The following PCDH15 variants were observed in gnomAD, a reference collection of about 807,000 sequenced individuals.
The protein encoded by PCDH15 is protocadherin-15.
In PCDH15, 129 loss-of-function variants were observed where a neutral mutation model predicts 178.5. That is an observed-to-expected ratio of 0.72 (90% CI 0.63 to 0.84). PCDH15 has a LOEUF of 0.84. PCDH15 is among the 40% of genes least tolerant of loss of function. PCDH15 has a pLI of 0.00. For synonymous variants in PCDH15, 800 were observed against 732.0 expected, an observed-to-expected ratio of 1.09 and a Z score of -1.50; for missense variants, 2,230 against 2,099.9, an observed-to-expected ratio of 1.06 and a Z score of -1.21.
In PCDH15 at chr10:54,492,767, T is replaced by C. The variant is rs532154220; in HGVS notation, c.157+35045A>G. Among the ~76,000 whole-genome samples, 17 of 152,272 alleles carry C rather than the reference T, an allele frequency of 1.1e-4. No homozygotes were observed. In the South Asian group the frequency reaches 3.5e-3, roughly 32 times the overall value. ...TTGTTATAACTGTTCAATCTTATTATTAGGGTTGTTAATCTCTTACTGCCT... is the reference window on the plus strand; with the variant it reads ...TTGTTATAACTGTTCAATCTTATTACTAGGGTTGTTAATCTCTTACTGCCT... On this transcript the variant is annotated intron_variant, in intron 3 of 37. Transcript: ENST00000644397.
chr10:55,135,728 A>G (rs2132082508), intron 2 of PCDH15, among the ~76,000 whole-genome samples: 1 of 151,260 alleles, frequency 6.6e-6, no homozygotes, highest in East Asian at 2.0e-4. Context: ...GGTTACAGGC[A>G]CACACCACCC....
intron 1 of PCDH15, among the ~76,000 whole-genome samples, chr10:54,705,602 C>A (rs958122385): frequency 3.3e-5 from 5 of 152,136 alleles, no homozygotes; most frequent in African/African-American, 9.6e-5. Flanking sequence ...CATAAGTGAC[C>A]ATAGCACCAC....
intron 3 of PCDH15, among the ~76,000 whole-genome samples, chr10:54,446,449 T>C (rs2076146168): frequency 6.6e-6 from 1 of 151,716 alleles, no homozygotes; most frequent in Admixed American, 6.6e-5. Flanking sequence ...TACTGTTGAT[T>C]CGGTTTTTTG....
intron 2 of PCDH15, among the ~76,000 whole-genome samples, chr10:54,577,891 TAA>T (rs774989827): frequency 0.12 from 18,652 of 149,230 alleles, 1,519 homozygotes; most frequent in Non-Finnish European, 0.18. Flanking sequence ...AATAAATAAA[TAA>T]ATATTCCTCT....
intron 2 of PCDH15, among the ~76,000 whole-genome samples, chr10:54,548,956 G>A (rs1236914341): frequency 1.3e-5 from 2 of 151,266 alleles, no homozygotes; most frequent in Non-Finnish European, 3.0e-5. Flanking sequence ...TTCTAGAAAT[G>A]TGTCTATTTT....
chr10:54,920,468 CAAA>C (rs71014429), intron 2 of PCDH15, among the ~76,000 whole-genome samples: 3,327 of 57,474 alleles, frequency 0.058, 79 homozygotes, highest in African/African-American at 0.2. Flanking sequence ...GACTGTGTCT[CAAA>C]AAAAAAAAAA....
At chr10:54,648,425 A>C (rs1451230410) in intron 2 of PCDH15, among the ~76,000 whole-genome samples, 1 of 152,102 alleles carries the variant, frequency 6.6e-6, no homozygotes, top group Non-Finnish European at 1.5e-5. Context: ...TCCAACATAA[A>C]ACAAAATCCG....
chr10:55,037,528 G>A (rs781384763), intron 2 of PCDH15, among the ~76,000 whole-genome samples: 10 of 152,068 alleles, frequency 6.6e-5, no homozygotes, highest in Non-Finnish European at 1.2e-4. Context: ...CACCGCACCC[G>A]GCCAATGACA....
chr10:53,836,216 G>A (rs2132698982), intron 29 of PCDH15, among the ~76,000 whole-genome samples: 1 of 152,224 alleles, frequency 6.6e-6, no homozygotes, highest in South Asian at 2.1e-4. Context: ...TTGCACCCAA[G>A]ACCCCCTGTA....
intron 20 of PCDH15, among the ~76,000 whole-genome samples, chr10:54,011,318 C>T (rs2092577962): frequency 6.6e-6 from 1 of 152,196 alleles, no homozygotes; most frequent in South Asian, 2.1e-4. Context: ...TCCTACAATG[C>T]AGCCACCACA....
At chr10:55,296,942 A>G (rs1843147570) in intron 1 of PCDH15, among the ~76,000 whole-genome samples, 1 of 152,104 alleles carries the variant, frequency 6.6e-6, no homozygotes, top group African/African-American at 2.4e-5. Flanking sequence ...GTAATTGTAT[A>G]ATTGTATTTT....
chr10:53,809,949 T>G (rs1225078697), intron 37 of PCDH15, among the ~76,000 whole-genome samples: 1 of 152,164 alleles, frequency 6.6e-6, no homozygotes, highest in Non-Finnish European at 1.5e-5. Flanking sequence ...ATATGACGAT[T>G]TATCTCATTT....
chr10:54,871,433 A>AC (rs2131795290), intron 3 of PCDH15, among the ~76,000 whole-genome samples: 1 of 151,952 alleles, frequency 6.6e-6, no homozygotes, highest in South Asian at 2.1e-4. Context: ...GAGAGGAAAA[A>AC]AAAAAAACAC....
At chr10:54,809,264 G>A (rs1952826086) in intron 3 of PCDH15, among the ~76,000 whole-genome samples, 1 of 151,930 alleles carries the variant, frequency 6.6e-6, no homozygotes, top group African/African-American at 2.4e-5. Context: ...CCTAGATTTT[G>A]GGTTTACTTA....
At chr10:53,884,335 G>T (rs1483870882) in intron 26 of PCDH15, among the ~76,000 whole-genome samples, 1 of 152,124 alleles carries the variant, frequency 6.6e-6, no homozygotes, top group Non-Finnish European at 1.5e-5. Flanking sequence ...AACAAAGAGG[G>T]TATCATAAAA....
chr10:55,100,512 AAC>A (rs1842551786), intron 2 of PCDH15, among the ~76,000 whole-genome samples: 1 of 152,088 alleles, frequency 6.6e-6, no homozygotes, highest in Non-Finnish European at 1.5e-5. Flanking sequence ...GACTGTACAA[AAC>A]ACATGGCACC....
Position 55,389,763 on chromosome 10 carries a change from T to C in PCDH15, c.-155-223112A>G, listed in dbSNP as rs190731620. On this transcript the variant is annotated intron_variant, in intron 2 of 5. Coordinates refer to the PCDH15 transcript ENST00000613346. ...CTCATACATATCATCAAACCAACAG[T>C]TGAAACAACCCTAAAGTCCTATCTT... Among the ~76,000 whole-genome samples the C allele has an allele frequency of 1.1e-4, 17 of 152,182 alleles. No individual in the cohort carries two copies. In the East Asian group the frequency reaches 2.9e-3, roughly 26 times the overall value.
chr10:53,878,000 G>A (rs1288487837), intron 26 of PCDH15, among the ~76,000 whole-genome samples: 5 of 151,932 alleles, frequency 3.3e-5, no homozygotes, highest in African/African-American at 1.2e-4. Flanking sequence ...TCTGATTAAA[G>A]TTCATGATTC....
chr10:53,990,396 A>T (rs1273942269), intron 21 of PCDH15, among the ~76,000 whole-genome samples: 1 of 151,598 alleles, frequency 6.6e-6, no homozygotes, highest in Admixed American at 6.6e-5. Flanking sequence ...AAAGTCCATA[A>T]CTATTAAAAA....
Sources: allele counts gnomAD v4.1 joint callset (sites outside exome capture counted in the v4.1 genomes callset), GRCh38; gene constraint gnomAD v4.1.1; transcripts MANE v1.5; gene names NCBI Gene and HGNC (gene_info 2026-07-23, HGNC 2026-07-21).